The following ST8SIA1 variants were observed in gnomAD, a reference collection of about 807,000 sequenced individuals.
ST8SIA1 encodes alpha-N-acetylneuraminide alpha-2,8-sialyltransferase.
A neutral mutation model predicts 35.9 loss-of-function variants in ST8SIA1; 16 were observed. That is an observed-to-expected ratio of 0.45 (90% CI 0.30 to 0.68). ST8SIA1 has a LOEUF of 0.68. ST8SIA1 is among the 30% of genes least tolerant of loss of function. The pLI is 0.09. For synonymous variants in ST8SIA1, 170 were observed against 169.6 expected (o/e 1.00, Z -0.02); for missense variants, 383 against 453.6 (o/e 0.84, Z 1.41).
rs1865173025 is a variant in ST8SIA1, at chr12:22,211,298, C to T, written c.585-9260G>A. On this transcript the variant is annotated intron_variant, in intron 4 of 4. Transcript: ENST00000396037. ...TAGCCATGATTGATTGAACCGCTGG[C>T]CACTGGTGATCACCTCAACCTTCAG... 2.0e-5 allele frequency among the ~76,000 whole-genome samples: 3 copies of T among 152,140 alleles called. No homozygotes were observed. The South Asian group carries it at 6.2e-4, about 31-fold the overall frequency.
At chr12:22,238,839 G>T (rs1000685388) in intron 4 of ST8SIA1, among the ~76,000 whole-genome samples, 4 of 151,864 alleles carry the variant, frequency 2.6e-5, no homozygotes, top group Non-Finnish European at 4.4e-5. Flanking sequence ...TTGCATCCCA[G>T]GTTTTTTTTC....
At chr12:22,264,478 G>T (rs890547559) in intron 2 of ST8SIA1, among the ~76,000 whole-genome samples, 2 of 152,096 alleles carry the variant, frequency 1.3e-5, no homozygotes, top group South Asian at 2.1e-4. Context: ...AGCAGTTTTG[G>T]TTCTTTCCAG....
chr12:22,287,376 G>C, intron 1 of ST8SIA1, 83 bp from the exon 2 acceptor site: 2 of 1,449,152 alleles, frequency 1.4e-6, no homozygotes, highest in Non-Finnish European at 1.9e-6. Context: ...CCACAGAGAT[G>C]TGCCACCTTA....
At chr12:22,204,742 A>T (rs1342296659) in intron 4 of ST8SIA1, among the ~76,000 whole-genome samples, 1 of 152,204 alleles carries the variant, frequency 6.6e-6, no homozygotes, top group Non-Finnish European at 1.5e-5. Flanking sequence ...TTTTATTGAC[A>T]GTTATTATTT....
Position 22,201,648 on chromosome 12 carries a change from G to A in ST8SIA1, c.975C>T (p.Pro325=), listed in dbSNP as rs932765514. The A allele has an allele frequency of 9.3e-6, 15 of 1,613,960 alleles. No homozygotes were observed. The highest frequency in any genetic ancestry group is 4.4e-5 in the South Asian group (4 of 91,084). The change falls in exon 5 of 5, where the codon CCC becomes CCT. Residue 325 remains proline, a synonymous_variant. Transcript: ENST00000396037. ...GATACCAGAGTTGGAGAAATTCCTC[G>A]GGCATGGCATGGAAGCCAGAAAAGG... ...VLPFSGFHAM[P]EEFLQLWYLH...
chr12:22,287,046 A>G, intron 2 of ST8SIA1, 103 bp downstream of exon 2: 1 of 1,118,650 alleles, frequency 8.9e-7, no homozygotes, highest in South Asian at 1.8e-5. Flanking sequence ...GAAGAAAGAA[A>G]ACAAAAAGTC....
intron 1 of ST8SIA1, among the ~76,000 whole-genome samples, chr12:22,331,269 T>C (rs1377768381): frequency 6.6e-6 from 1 of 152,212 alleles, no homozygotes; most frequent in Non-Finnish European, 1.5e-5. Flanking sequence ...CATCCTCTAC[T>C]AGGAGGAAAG....
At chr12:22,281,214 C>A (rs1019583492) in intron 2 of ST8SIA1, among the ~76,000 whole-genome samples, 1 of 152,104 alleles carries the variant, frequency 6.6e-6, no homozygotes, top group South Asian at 2.1e-4. Context: ...CACTTTTAAA[C>A]CCATTATCTC....
intron 2 of ST8SIA1, among the ~76,000 whole-genome samples, chr12:22,284,865 T>C (rs1049796034): frequency 1.9e-4 from 29 of 152,258 alleles, no homozygotes; most frequent in Admixed American, 1.8e-3. Flanking sequence ...TCTTTAATCA[T>C]CCTTTTAAAT....
intron 4 of ST8SIA1, among the ~76,000 whole-genome samples, chr12:22,218,023 A>G (rs1158298948): frequency 1.3e-5 from 2 of 152,202 alleles, no homozygotes; most frequent in Admixed American, 1.3e-4. Context: ...ACTGTCAGTG[A>G]ACACTTAGAA....
At chr12:22,330,294 A>G (rs1332993350) in intron 1 of ST8SIA1, among the ~76,000 whole-genome samples, 2 of 152,186 alleles carry the variant, frequency 1.3e-5, no homozygotes, top group African/African-American at 4.8e-5. Context: ...TATTGTTATA[A>G]CAATCACGTA....
intron 4 of ST8SIA1, among the ~76,000 whole-genome samples, chr12:22,210,429 A>G (rs1423963496): frequency 6.6e-6 from 1 of 152,196 alleles, no homozygotes; most frequent in Non-Finnish European, 1.5e-5. Flanking sequence ...TCAACACAGA[A>G]AAATTCTGTG....
intron 4 of ST8SIA1, among the ~76,000 whole-genome samples, chr12:22,214,997 C>T (rs1428696744): frequency 6.6e-6 from 1 of 152,092 alleles, no homozygotes; most frequent in South Asian, 2.1e-4. Flanking sequence ...GTAGCTTTTC[C>T]CTGAGTAGAA....
At chr12:22,291,399 G>T (rs1238041704) in intron 1 of ST8SIA1, among the ~76,000 whole-genome samples, 1 of 152,144 alleles carries the variant, frequency 6.6e-6, no homozygotes, top group African/African-American at 2.4e-5. Context: ...AGACAGGAGG[G>T]GTGGGCAAGA....
chr12:22,239,827 C>T (rs1865520018), intron 4 of ST8SIA1, among the ~76,000 whole-genome samples: 1 of 152,160 alleles, frequency 6.6e-6, no homozygotes, highest in Admixed American at 6.6e-5. Context: ...GACCTGGAAC[C>T]ACAATAGGCT....
At chr12:22,237,848 AT>A (rs1330085494) in intron 4 of ST8SIA1, among the ~76,000 whole-genome samples, 2 of 152,114 alleles carry the variant, frequency 1.3e-5, no homozygotes, top group African/African-American at 4.8e-5. Context: ...AGGTTCGTTA[AT>A]TGTGGTAGAC....
At chr12:22,249,800 G>A (rs981786703) in intron 3 of ST8SIA1, among the ~76,000 whole-genome samples, 10 of 152,138 alleles carry the variant, frequency 6.6e-5, no homozygotes, top group African/African-American at 2.4e-4. Flanking sequence ...ATACACTAGA[G>A]GACATGGGAC....
At chr12:22,327,309 G>A (rs1344774807) in intron 1 of ST8SIA1, among the ~76,000 whole-genome samples, 2 of 152,194 alleles carry the variant, frequency 1.3e-5, no homozygotes, top group African/African-American at 2.4e-5. Context: ...TGGGGACACA[G>A]GGCAAGCCTA....
chr12:22,279,282 A>T (rs1166728259), intron 2 of ST8SIA1, among the ~76,000 whole-genome samples: 2 of 152,198 alleles, frequency 1.3e-5, no homozygotes, highest in Non-Finnish European at 2.9e-5. Flanking sequence ...GTATGGCTCT[A>T]GTAACTTGGT....
Sources: gnomAD v4.1 joint callset for allele counts (sites outside exome capture counted in the v4.1 genomes callset) on GRCh38, gnomAD v4.1.1 for gene constraint, MANE v1.5 for transcripts, NCBI Gene and HGNC (gene_info 2026-07-23, HGNC 2026-07-21) for gene names.